ADAM12: variants seen among roughly 807,000 people sequenced by gnomAD.
ADAM12 encodes the protein disintegrin and metalloproteinase domain-containing protein 12.
ADAM12 carries 70 observed loss-of-function variants against 106.4 expected under a neutral mutation model. The observed-to-expected ratio is 0.66, with a 90% CI of 0.54 to 0.80. The LOEUF is 0.80. ADAM12 is among the 30% of genes least tolerant of loss of function. ADAM12 has a pLI of 0.00. For missense variants in ADAM12, 1,010 were observed against 1,171.9 expected (o/e 0.86, Z 2.02); for synonymous variants, 420 against 433.5 (o/e 0.97, Z 0.39).
At chr10:126,122,137 A>G (rs1449465663) in intron 5 of ADAM12, among the ~76,000 whole-genome samples, 1 of 152,236 alleles carries the variant, frequency 6.6e-6, no homozygotes, top group Admixed American at 6.5e-5. Flanking sequence ...TGGAGCAACT[A>G]AAACATTTTT....
At chr10:126,188,081 C>T (rs1156457151) in intron 3 of ADAM12, among the ~76,000 whole-genome samples, 2 of 152,210 alleles carry the variant, frequency 1.3e-5, no homozygotes, top group Admixed American at 6.5e-5. Flanking sequence ...GCCCAGTCCA[C>T]CCTATGTGAC....
chr10:126,316,783 CAA>C (rs376131530), intron 2 of ADAM12, among the ~76,000 whole-genome samples: 18 of 82,708 alleles, frequency 2.2e-4, no homozygotes, highest in Non-Finnish European at 3.0e-4. Context: ...GACCCTATCT[CAA>C]AAAAAAAAAA....
At chr10:126,139,882 G>T (rs528069651) in intron 4 of ADAM12, among the ~76,000 whole-genome samples, 1 of 152,324 alleles carries the variant, frequency 6.6e-6, no homozygotes, top group Admixed American at 6.5e-5. Context: ...AATGGCTTCA[G>T]TGTCCTCTCA....
intron 2 of ADAM12, among the ~76,000 whole-genome samples, chr10:126,284,332 CAAAAAAAAAAAA>C (rs58488226): frequency 4.9e-4 from 23 of 46,518 alleles, no homozygotes; most frequent in African/African-American, 1.7e-3. Context: ...GACTCCATCT[CAAAAAAAAAAAA>C]AAAAAAAAAA....
At chr10:126,040,145 G>GA (rs1339141928) in intron 18 of ADAM12, among the ~76,000 whole-genome samples, 2 of 151,892 alleles carry the variant, frequency 1.3e-5, no homozygotes, top group African/African-American at 2.4e-5. Flanking sequence ...GGAAAGGAAG[G>GA]AAAAAAATCA....
At position 126,272,986 on chromosome 10, in the gene ADAM12, C is replaced by T. The variant is rs142009604; in HGVS notation, c.260+5929G>A. On this transcript the variant is annotated intron_variant, in intron 3 of 22. Transcript: ENST00000448723. Reference sequence around the variant, plus strand: ...TGGATTGGGCCAACAGGCTCCAACACGACCTCTGCCATCAGCAGAGCTGAC... The same window carrying T: ...TGGATTGGGCCAACAGGCTCCAACATGACCTCTGCCATCAGCAGAGCTGAC... 252 of 156,392 alleles carry T rather than the reference C, an allele frequency of 1.6e-3. 1 individual carries two copies. The highest frequency in any genetic ancestry group is 5.7e-3 in the African/African-American group (239 of 41,630). The allele number at this position is 156,392 out of a possible 1,614,324, so 9.7% of individuals were successfully genotyped here. A position where few individuals can be genotyped will look rare whatever the true frequency, so the allele number is the denominator to read the frequency against.
At chr10:126,166,028 A>G (rs1957017964) in intron 3 of ADAM12, among the ~76,000 whole-genome samples, 1 of 152,232 alleles carries the variant, frequency 6.6e-6, no homozygotes, top group South Asian at 2.1e-4. Context: ...GCTCTTTCTC[A>G]TTTAGTTTCA....
In ADAM12 at chr10:126,094,531, C is replaced by T. The variant is rs141233933; in HGVS notation, c.997-398G>A. ...CATGGGCCATAGAAGTATCATTTTACCTTTGATTGAGATGATGCTGATATA... is the reference window on the plus strand; with the variant it reads ...CATGGGCCATAGAAGTATCATTTTATCTTTGATTGAGATGATGCTGATATA... On this transcript the variant is annotated intron_variant, in intron 10 of 22. Coordinates refer to ENST00000448723, the MANE Select transcript of ADAM12 (RefSeq NM_001288973.2). Among the ~76,000 whole-genome samples the T allele has an allele frequency of 2.5e-4, 38 of 152,228 alleles. No homozygotes were observed. In the East Asian group the frequency reaches 4.6e-3, roughly 19 times the overall value.
chr10:126,379,534 C>T (rs118176838), intron 1 of ADAM12, among the ~76,000 whole-genome samples: 3,640 of 151,784 alleles, frequency 0.024, 62 homozygotes, highest in Non-Finnish European at 0.036. Flanking sequence ...CACACTGGGG[C>T]GCCTGTCAGG....
chr10:126,260,107 A>T (rs1958970768), intron 3 of ADAM12, among the ~76,000 whole-genome samples: 1 of 152,012 alleles, frequency 6.6e-6, no homozygotes. Flanking sequence ...TTTCTTCCAT[A>T]CACATTACCA....
Position 126,280,490 on chromosome 10 carries a change from A to C in ADAM12, c.187-1502T>G, listed in dbSNP as rs1256985552. Among the ~76,000 whole-genome samples the C allele has an allele frequency of 2.6e-5, 4 of 152,344 alleles. No homozygotes were observed. The South Asian group carries it at 8.3e-4, about 32-fold the overall frequency. On this transcript the variant is annotated intron_variant, in intron 2 of 22. Transcript: ENST00000448723. ...TAACTTGGTGTGACAGGTGGCTACC[A>C]CTGTGGGACAGCACAGATATAGAGC...
intron 11 of ADAM12, among the ~76,000 whole-genome samples, chr10:126,073,845 G>C (rs888179072): frequency 6.6e-6 from 1 of 152,110 alleles, no homozygotes; most frequent in Non-Finnish European, 1.5e-5. Flanking sequence ...GGTTATTCCT[G>C]GTATCAAAAT....
chr10:126,041,202 A>T, intron 18 of ADAM12: 1 of 354,670 alleles, frequency 2.8e-6, no homozygotes. Flanking sequence ...TCCAGGACCC[A>T]GGAGAGTGGC....
intron 3 of ADAM12, among the ~76,000 whole-genome samples, chr10:126,258,606 C>A (rs541295609): frequency 1.3e-5 from 2 of 152,308 alleles, no homozygotes; most frequent in Non-Finnish European, 2.9e-5. Flanking sequence ...TCTTTGGTAG[C>A]CCCTTGGTCT....
At chr10:126,041,754 A>T (rs939111657) in intron 18 of ADAM12, 1 of 1,052,630 alleles carries the variant, frequency 9.5e-7, no homozygotes, top group Non-Finnish European at 1.1e-6. Context: ...GAAAGGGGAC[A>T]CTGGGCCCAA....
intron 2 of ADAM12, among the ~76,000 whole-genome samples, chr10:126,283,234 C>A (rs1439552572): frequency 4.6e-5 from 7 of 152,122 alleles, no homozygotes; most frequent in African/African-American, 1.7e-4. Context: ...GATGTAGCTT[C>A]TCAGCCTGCA....
chr10:126,120,572 A>C (rs2133627679), intron 5 of ADAM12, among the ~76,000 whole-genome samples: 1 of 152,188 alleles, frequency 6.6e-6, no homozygotes, highest in South Asian at 2.1e-4. Flanking sequence ...TCAGAGAGGG[A>C]CCAAGGTAAT....
intron 1 of ADAM12, among the ~76,000 whole-genome samples, chr10:126,352,854 G>A (rs1338605236): frequency 6.6e-6 from 1 of 152,204 alleles, no homozygotes; most frequent in Non-Finnish European, 1.5e-5. Flanking sequence ...TTCAAGGTGG[G>A]ATATAAGAAT....
rs577932550 is a variant in ADAM12 at position 126,248,913 on chromosome 10, T to C, written c.260+30002A>G. Among the ~76,000 whole-genome samples the C allele has an allele frequency of 5.3e-5, 8 of 151,852 alleles. No individual in the cohort carries two copies. The South Asian group carries it at 1.7e-3, about 32-fold the overall frequency. On this transcript the variant is annotated intron_variant, in intron 3 of 22. Transcript: ENST00000448723. ...TAGAGATGGGTTTTCATGATGTTGG[T>C]CAGGCTGGTCTCGAACTCCTGACCT...
Sources: allele counts gnomAD v4.1 joint callset (sites outside exome capture counted in the v4.1 genomes callset), GRCh38; gene constraint gnomAD v4.1.1; transcripts MANE v1.5; gene names NCBI Gene and HGNC (gene_info 2026-07-23, HGNC 2026-07-21).